Variants in HCN2 observed in about 807,000 individuals in gnomAD.
HCN2 encodes the protein potassium/sodium hyperpolarization-activated cyclic nucleotide-gated channel 2.
Under a neutral mutation model 52.3 loss-of-function variants are expected in HCN2, and 20 were observed. The ratio of observed to expected loss-of-function variants is 0.38; its 90% CI spans 0.27 to 0.56. The LOEUF is 0.56. Ranked by LOEUF, HCN2 falls within the 20% of genes least tolerant of loss-of-function variation. The pLI is 0.71. For missense variants in HCN2, 981 were observed against 1,207.7 expected (o/e 0.81, Z 2.78); for synonymous variants, 694 against 537.0 (o/e 1.29, Z -4.04).
intron 1 of HCN2, among the ~76,000 whole-genome samples, chr19:599,602 A>AC (rs1029600928): frequency 5.4e-5 from 8 of 148,760 alleles, no homozygotes; most frequent in Non-Finnish European, 1.2e-4. Flanking sequence ...ACATGGTGAA[A>AC]CCCCGTCTCT....
intron 1 of HCN2, among the ~76,000 whole-genome samples, chr19:599,704 T>C (rs1471278687): frequency 1.3e-5 from 2 of 150,908 alleles, no homozygotes; most frequent in Non-Finnish European, 2.9e-5. Context: ...AAGAGAATGG[T>C]GTGAACCCTG....
In HCN2 at chr19:615,829, G is replaced by C; in HGVS notation, c.2025G>C (p.Gln675His). Residue 675 changes from glutamine (Q) to histidine (H), a missense_variant, in exon 8 of 8, where the codon CAG (glutamine) becomes CAC (histidine). Coordinates refer to ENST00000251287, the MANE Select transcript of HCN2 (RefSeq NM_001194.4). ...ATTCCATCCTCCTGCACAAGGTGCA[G>C]CATGACCTCAACTCGGGCGTATTCA... ...KKNSILLHKVQHDLNSGVFNN... is the reference protein window; with the variant it reads ...KKNSILLHKVHHDLNSGVFNN... The C allele has an allele frequency of 6.2e-7, 1 of 1,612,584 alleles. No homozygotes were observed. The highest frequency in any genetic ancestry group is 8.5e-7 in the Non-Finnish European group (1 of 1,179,752).
chr19:596,845 G>C (rs1389439618), intron 1 of HCN2, among the ~76,000 whole-genome samples: 1 of 152,152 alleles, frequency 6.6e-6, no homozygotes, highest in Non-Finnish European at 1.5e-5. Context: ...CCCAGGGCGA[G>C]AGGCAGGAGA....
rs541555291 is a variant in HCN2 at position 599,341 on chromosome 19, G to A, written c.633-4203G>A. On this transcript the variant is annotated intron_variant, in intron 1 of 7. Coordinates refer to ENST00000251287, the MANE Select transcript of HCN2 (RefSeq NM_001194.4). ...CGGCGGCTCCTGAAACAAAGGTCCC[G>A]GCGGCCACGCCAGCGATGAGCTCCC... 1.4e-4 allele frequency among the ~76,000 whole-genome samples: 21 copies of A among 152,316 alleles called. No homozygotes were observed. The South Asian group carries it at 3.5e-3, about 26-fold the overall frequency.
rs1379578353 is a variant in HCN2, at chr19:603,398, C to T, written c.633-146C>T. 5 of 628,984 alleles carry T rather than the reference C, an allele frequency of 7.9e-6. 1 individual carries two copies. Among genetic ancestry groups the T allele is most frequent in the South Asian group, 5.9e-5 (3 of 51,206 alleles). The allele number at this position is 628,984 out of a possible 1,614,324, so 39.0% of individuals were successfully genotyped here. ...GCCCCTCGTCCCACAGGGAAGAGGG[C>T]CCGGGGCTGGTCCCGCAGGCTCCTC... On this transcript the variant is annotated intron_variant, in intron 1 of 7. Coordinates refer to ENST00000251287, the MANE Select transcript of HCN2 (RefSeq NM_001194.4).
rs1278807458 is a variant in HCN2 at position 605,305 on chromosome 19, G to GGGCAGAGACCTCGTGATGGGGAGC, written c.1218+83_1218+84insGGCAGAGACCTCGTGATGGGGAGC. 1.9e-4 allele frequency: 263 copies of GGGCAGAGACCTCGTGATGGGGAGC among 1,369,774 alleles called. 16 individuals carry two copies. Among genetic ancestry groups the GGGCAGAGACCTCGTGATGGGGAGC allele is most frequent in the Non-Finnish European group, 2.4e-4 (242 of 1,003,898 alleles). 84.9% of individuals were successfully genotyped at this position (1,369,774 alleles called of 1,614,324 possible). On this transcript the variant is annotated intron_variant, in intron 3 of 7. Coordinates refer to ENST00000251287, the MANE Select transcript of HCN2 (RefSeq NM_001194.4). ...CCCAGGCCCCCTTATCCCGCTTACA[G>GGGCAGAGACCTCGTGATGGGGAGC]AGGGTTGAACCCAAGCCTTTCAGAG...
Position 590,678 on chromosome 19 carries a change from G to C in HCN2, c.632+101G>C. The C allele has an allele frequency of 1.0e-6, 1 of 971,918 alleles. No homozygotes were observed. The highest frequency in any genetic ancestry group is 1.3e-6 in the Non-Finnish European group (1 of 755,252). The allele number at this position is 971,918 out of a possible 1,614,324, so 60.2% of individuals were successfully genotyped here. A position where few individuals can be genotyped will look rare whatever the true frequency, so the allele number is the denominator to read the frequency against. ...CCTGGGGAGGGCGGGGCGGCGCGCCGGGCCGGTGACCTCGGGGCTCCTCGG... is the reference window on the plus strand; with the variant it reads ...CCTGGGGAGGGCGGGGCGGCGCGCCCGGCCGGTGACCTCGGGGCTCCTCGG... On this transcript the variant is annotated intron_variant, in intron 1 of 7. Coordinates refer to ENST00000251287, the MANE Select transcript of HCN2 (RefSeq NM_001194.4). This position sits in a 1 kb window ranked among gnomAD's most constrained non-coding sequence, Gnocchi z 7.2.
In HCN2 at chr19:590,452, G is replaced by T; in HGVS notation, c.507G>T (p.Ala169=). The change falls in exon 1 of 8, where the codon GCG becomes GCT. Residue 169 remains alanine, a synonymous_variant. Transcript: ENST00000251287. The surrounding 1 kb of genome is among the most constrained non-coding windows in gnomAD (Gnocchi z 7.2). The stretch of plus-strand genomic sequence containing the variant: ...GCTTCATGCAGCGCCAGTTCGGCGC[G>T]CTCCTGCAGCCGGGCGTCAACAAGT... The part of the protein sequence containing the change: ...QASFMQRQFG[A]LLQPGVNKFS... The T allele has an allele frequency of 6.6e-7, 1 of 1,506,076 alleles. No individual in the cohort carries two copies. The highest frequency in any genetic ancestry group is 8.9e-7 in the Non-Finnish European group (1 of 1,121,212). 93.3% of individuals were successfully genotyped at this position (1,506,076 alleles called of 1,614,324 possible).
At chr19:609,594 C>A (rs1230534726) in intron 4 of HCN2, among the ~76,000 whole-genome samples, 1 of 152,220 alleles carries the variant, frequency 6.6e-6, no homozygotes, top group African/African-American at 2.4e-5. Context: ...GGCGAGACCT[C>A]ATCGCTACAA....
chr19:590,731 C>A lies in HCN2; in HGVS notation c.632+154C>A. 4.3e-6 allele frequency: 2 copies of A among 461,328 alleles called. No individual in the cohort carries two copies. Among genetic ancestry groups the A allele is most frequent in the South Asian group, 1.1e-4 (1 of 9,232 alleles). The allele number at this position is 461,328 out of a possible 1,614,324, so 28.6% of individuals were successfully genotyped here. ...ACCTCGGGCGTGTCCGGGACCCGCC[C>A]CGGAGTGACCCCGGCGCGCGAGGCT... On this transcript the variant is annotated intron_variant, in intron 1 of 7. Transcript: ENST00000251287. This position sits in a 1 kb window ranked among gnomAD's most constrained non-coding sequence, Gnocchi z 7.2.
intron 7 of HCN2, among the ~76,000 whole-genome samples, chr19:614,916 C>T (rs1207732264): frequency 6.6e-6 from 1 of 152,070 alleles, no homozygotes; most frequent in African/African-American, 2.4e-5. Flanking sequence ...GGAATGAAGA[C>T]CATGGCTGAA....
intron 1 of HCN2, among the ~76,000 whole-genome samples, chr19:593,505 A>G (rs1982933721): frequency 6.6e-6 from 1 of 152,210 alleles, no homozygotes; most frequent in Non-Finnish European, 1.5e-5. Flanking sequence ...CTGTAATCCC[A>G]GCTACTCGGG....
chr19:615,657 T>C (rs1983868450), intron 7 of HCN2, 138 bp from the exon 8 acceptor site: 2 of 757,136 alleles, frequency 2.6e-6, no homozygotes. Flanking sequence ...GTGCTTATTG[T>C]ATACAGTAGG....
chr19:598,620 G>C (rs1983107968), intron 1 of HCN2, among the ~76,000 whole-genome samples: 1 of 151,802 alleles, frequency 6.6e-6, no homozygotes, highest in African/African-American at 2.4e-5. Flanking sequence ...CTTCTTTTTT[G>C]AGACGGAGTC....
intron 1 of HCN2, among the ~76,000 whole-genome samples, chr19:594,353 G>T (rs996821266): frequency 1.3e-5 from 2 of 152,048 alleles, no homozygotes; most frequent in Non-Finnish European, 2.9e-5. Context: ...GACTGCCCTC[G>T]GTCCAGTTCC....
chr19:604,997 T>C, intron 2 of HCN2, 64 bp from the exon 3 acceptor site: 2 of 1,275,804 alleles, frequency 1.6e-6, no homozygotes, highest in Non-Finnish European at 2.0e-6. Context: ...CGCACGGGGC[T>C]GGGGCTCTGA....
At chr19:595,072 T>G (rs1323430812) in intron 1 of HCN2, among the ~76,000 whole-genome samples, 1 of 151,662 alleles carries the variant, frequency 6.6e-6, no homozygotes, top group Non-Finnish European at 1.5e-5. Flanking sequence ...CGTGGTGGCG[T>G]GCACCTGTAG....
intron 6 of HCN2, 86 bp from the exon 7 acceptor site, chr19:613,766 G>A: frequency 2.2e-6 from 3 of 1,345,404 alleles, no homozygotes. Flanking sequence ...CGCTGGCCAA[G>A]GTGCAGAGGC....
At position 608,193 on chromosome 19, in the gene HCN2, G is replaced by A. The variant is rs1983486938; in HGVS notation, c.1437+11G>A. 6.2e-7 allele frequency: 1 copy of A among 1,610,522 alleles called. No homozygotes were observed. Among genetic ancestry groups the A allele is most frequent in the African/African-American group, 1.3e-5 (1 of 74,932 alleles). ...CAGTACCAGGAGAAGGTCTGAGGGA[G>A]GCGGGCCCCGGCCTGGGTTCTGATG... On this transcript the variant is annotated intron_variant, in intron 4 of 7. Coordinates refer to ENST00000251287, the MANE Select transcript of HCN2 (RefSeq NM_001194.4).
Sources: gnomAD v4.1 joint callset for allele counts (sites outside exome capture counted in the v4.1 genomes callset) on GRCh38, gnomAD v4.1.1 for gene constraint, Gnocchi (gnomAD v3.1) non-coding constraint, MANE v1.5 for transcripts, NCBI Gene and HGNC (gene_info 2026-07-23, HGNC 2026-07-21) for gene names.